The following PTPRN2 variants were observed in gnomAD, a reference collection of about 807,000 sequenced individuals.
The protein encoded by PTPRN2 is receptor-type tyrosine-protein phosphatase N2.
PTPRN2 carries 74 observed loss-of-function variants against 118.8 expected under a neutral mutation model. The observed-to-expected ratio is 0.62, with a 90% CI of 0.52 to 0.76. The LOEUF is 0.76. Among genes scored for constraint, PTPRN2 ranks in the 30% least tolerant of loss-of-function variants. The pLI, the probability that PTPRN2 is intolerant of heterozygous loss-of-function variation, is 0.00. For missense variants in PTPRN2, 1,481 were observed against 1,394.4 expected, an observed-to-expected ratio of 1.06 and a Z score of -0.99; for synonymous variants, 641 against 608.0, an observed-to-expected ratio of 1.05 and a Z score of -0.80.
chr7:158,272,490 G>A (rs1798579953), intron 3 of PTPRN2, among the ~76,000 whole-genome samples: 1 of 151,974 alleles, frequency 6.6e-6, no homozygotes, highest in African/African-American at 2.4e-5. Flanking sequence ...AAAACACTGA[G>A]CAGGTTTGCC....
At chr7:158,057,476 C>T (rs757269925) in intron 11 of PTPRN2, among the ~76,000 whole-genome samples, 16 of 152,312 alleles carry the variant, frequency 1.1e-4, no homozygotes, top group African/African-American at 2.9e-4. Context: ...CAGGTACACC[C>T]GAGGAATAGC....
chr7:158,569,873 G>C (rs1386366184), intron 1 of PTPRN2, among the ~76,000 whole-genome samples: 1 of 150,708 alleles, frequency 6.6e-6, no homozygotes, highest in Admixed American at 6.6e-5. Flanking sequence ...GGAACGCGGG[G>C]CGCGAGGCCG....
intron 1 of PTPRN2, among the ~76,000 whole-genome samples, chr7:158,524,524 A>AGTT (rs1554524750): frequency 8.1e-6 from 1 of 122,818 alleles, no homozygotes; most frequent in Non-Finnish European, 1.7e-5. Flanking sequence ...CCTGGAGTGG[A>AGTT]GTCTGCCCTG....
chr7:157,935,997 T>G (rs1178437838), intron 11 of PTPRN2, among the ~76,000 whole-genome samples: 1 of 117,252 alleles, frequency 8.5e-6, no homozygotes, highest in African/African-American at 3.3e-5. Flanking sequence ...CAGGGGGGGT[T>G]TAGACATCTT....
At chr7:157,914,601 CTT>C (rs566854789) in intron 11 of PTPRN2, among the ~76,000 whole-genome samples, 1 of 145,704 alleles carries the variant, frequency 6.9e-6, no homozygotes. Context: ...ATGTAGCTAC[CTT>C]TTTTTTTTTT....
intron 12 of PTPRN2, among the ~76,000 whole-genome samples, chr7:157,847,793 C>A (rs1407930479): frequency 2.1e-5 from 3 of 143,258 alleles, no homozygotes; most frequent in African/African-American, 5.3e-5. Flanking sequence ...CTCTCTCACT[C>A]CATCATGCGT....
At chr7:158,530,088 TC>T (rs777192370) in intron 1 of PTPRN2, among the ~76,000 whole-genome samples, 7 of 152,098 alleles carry the variant, frequency 4.6e-5, no homozygotes, top group Admixed American at 6.5e-5. Context: ...AGAAGTGAGA[TC>T]CATTCCTAGG....
chr7:158,239,053 A>C (rs921231291), intron 3 of PTPRN2, among the ~76,000 whole-genome samples: 1 of 152,152 alleles, frequency 6.6e-6, no homozygotes, highest in African/African-American at 2.4e-5. Context: ...GGCAGCTGCC[A>C]CCCGAGCCTG....
rs55904526 is a variant in PTPRN2, at chr7:157,725,348, T to C, written c.1789-42411A>G. ...TCGCCTCCCAGGAGAACTGGATATC[T>C]ACACACAGAGGAGTGTGGCCAGACC... is the stretch of plus-strand genomic sequence containing the variant. On this transcript the variant is annotated intron_variant, in intron 12 of 22. Coordinates refer to ENST00000389418, the MANE Select transcript of PTPRN2 (RefSeq NM_002847.5). Among the ~76,000 whole-genome samples the C allele has an allele frequency of 3.1e-3, 122 of 39,584 alleles. 4 individuals carry two copies. The highest frequency in any genetic ancestry group is 8.7e-3 in the African/African-American group (61 of 6,980). The allele number at this position is 39,584 out of a possible 152,430, so 26.0% of individuals were successfully genotyped here. A position where few individuals can be genotyped will look rare whatever the true frequency, so the allele number is the denominator to read the frequency against.
At chr7:158,374,243 C>T (rs1810323754) in intron 2 of PTPRN2, among the ~76,000 whole-genome samples, 1 of 152,166 alleles carries the variant, frequency 6.6e-6, no homozygotes, top group Non-Finnish European at 1.5e-5. Context: ...AAAATCCAAT[C>T]ACAAAGCTCC....
intron 13 of PTPRN2, among the ~76,000 whole-genome samples, chr7:157,675,548 C>T (rs930731373): frequency 1.3e-5 from 2 of 152,080 alleles, no homozygotes; most frequent in Non-Finnish European, 2.9e-5. Context: ...CCAATGTCCT[C>T]AGTTTTAGTT....
At chr7:158,365,899 GCA>G (rs140043303) in intron 2 of PTPRN2, among the ~76,000 whole-genome samples, 26 of 108,398 alleles carry the variant, frequency 2.4e-4, no homozygotes, top group South Asian at 1.3e-3. Flanking sequence ...ATGCACGCGT[GCA>G]CACACACACA....
At chr7:157,711,796 T>G (rs2150890870) in intron 12 of PTPRN2, among the ~76,000 whole-genome samples, 1 of 152,200 alleles carries the variant, frequency 6.6e-6, no homozygotes, top group Non-Finnish European at 1.5e-5. Flanking sequence ...GCCGTCATTT[T>G]CTACCGACTT....
At chr7:158,366,531 G>A (rs889902263) in intron 2 of PTPRN2, among the ~76,000 whole-genome samples, 1 of 152,232 alleles carries the variant, frequency 6.6e-6, no homozygotes, top group African/African-American at 2.4e-5. Flanking sequence ...CTCTGTGACT[G>A]GAGATAATGA....
At chr7:158,042,441 G>A (rs545371763) in intron 11 of PTPRN2, among the ~76,000 whole-genome samples, 2 of 152,338 alleles carry the variant, frequency 1.3e-5, no homozygotes, top group South Asian at 4.1e-4. Flanking sequence ...ACTCTCTGCA[G>A]CACAGGGTAA....
intron 2 of PTPRN2, among the ~76,000 whole-genome samples, chr7:158,339,607 C>T (rs1806265880): frequency 7.2e-5 from 1 of 13,800 alleles, no homozygotes; most frequent in East Asian, 9.9e-4. Context: ...ACACTCTCAC[C>T]ATAAGAAGTG....
chr7:158,386,663 A>T (rs923357089), intron 2 of PTPRN2, among the ~76,000 whole-genome samples: 3 of 152,132 alleles, frequency 2.0e-5, no homozygotes, highest in Admixed American at 6.6e-5. Context: ...AAAAAAATGG[A>T]TCCTTCAATC....
chr7:158,159,209 G>A (rs1293478775), intron 6 of PTPRN2, among the ~76,000 whole-genome samples: 3 of 152,086 alleles, frequency 2.0e-5, no homozygotes, highest in Admixed American at 2.0e-4. Context: ...AGTGCTTTCT[G>A]AATGAATGAG....
rs552843149 is a variant in PTPRN2 at position 158,290,917 on chromosome 7, G to A, written c.277+25902C>T. On this transcript the variant is annotated intron_variant, in intron 3 of 22. Coordinates refer to ENST00000389418, the MANE Select transcript of PTPRN2 (RefSeq NM_002847.5). ...TGCCTTGCTGATGTCCATCTCTGAC[G>A]AATGTTGACTATGTGACTCTCTTTA... Among the ~76,000 whole-genome samples, 38 of 152,328 alleles carry A rather than the reference G, an allele frequency of 2.5e-4. No individual in the cohort carries two copies. The East Asian group carries it at 2.5e-3, about 10-fold the overall frequency.
Sources: gnomAD v4.1 joint callset for allele counts (sites outside exome capture counted in the v4.1 genomes callset) on GRCh38, gnomAD v4.1.1 for gene constraint, MANE v1.5 for transcripts, NCBI Gene and HGNC (gene_info 2026-07-23, HGNC 2026-07-21) for gene names.